Variants in PHLDB2 observed in about 807,000 individuals in gnomAD.
PHLDB2 encodes the protein pleckstrin homology-like domain family B member 2.
PHLDB2 carries 71 observed loss-of-function variants against 123.6 expected under a neutral mutation model. That is an observed-to-expected ratio of 0.57 (90% CI 0.47 to 0.70). The LOEUF is 0.70. Among genes scored for constraint, PHLDB2 ranks in the 30% least tolerant of loss-of-function variants. PHLDB2 has a pLI of 0.00. For synonymous variants in PHLDB2, 547 were observed against 541.6 expected, an observed-to-expected ratio of 1.01 and a Z score of -0.14; for missense variants, 1,446 against 1,519.5, an observed-to-expected ratio of 0.95 and a Z score of 0.80.
intron 10 of PHLDB2, among the ~76,000 whole-genome samples, chr3:111,950,167 A>G (rs1234055774): frequency 6.6e-6 from 1 of 152,164 alleles, no homozygotes; most frequent in Non-Finnish European, 1.5e-5. Context: ...AAATATTGCA[A>G]CTTATCTCAG....
At chr3:111,925,156 T>C (rs2068746112) in intron 5 of PHLDB2, among the ~76,000 whole-genome samples, 1 of 152,206 alleles carries the variant, frequency 6.6e-6, no homozygotes, top group Admixed American at 6.5e-5. Context: ...GATATGAAAT[T>C]ACTGATGTTA....
intron 1 of PHLDB2, among the ~76,000 whole-genome samples, chr3:111,841,007 T>A (rs1291880070): frequency 6.6e-6 from 1 of 152,346 alleles, no homozygotes; most frequent in South Asian, 2.1e-4. Flanking sequence ...AGGCAGCTAA[T>A]CTAGGGAGCT....
intron 1 of PHLDB2, among the ~76,000 whole-genome samples, chr3:111,769,589 T>C (rs1424421323): frequency 1.3e-5 from 2 of 152,236 alleles, no homozygotes; most frequent in African/African-American, 2.4e-5. Flanking sequence ...ATAGCAAGTT[T>C]AAGAAGGTTC....
intron 6 of PHLDB2, among the ~76,000 whole-genome samples, chr3:111,938,323 G>A (rs34614600): frequency 0.18 from 27,476 of 152,030 alleles, 2,723 homozygotes; most frequent in South Asian, 0.23. Context: ...CTCCACCAGA[G>A]CAGTACAATT....
At position 111,782,350 on chromosome 3, in the gene PHLDB2, A is replaced by G. The variant is rs528390492; in HGVS notation, c.-49+49647A>G. Among the ~76,000 whole-genome samples the G allele has an allele frequency of 2.0e-5, 3 of 152,200 alleles. No homozygotes were observed. The South Asian group carries it at 6.2e-4, about 32-fold the overall frequency. ...AAACCTTAAGCTAGTCTCATAGTTC[A>G]GTGCTCTCAGTTCCAAAATATAAAG... is the stretch of plus-strand genomic sequence containing the variant. On this transcript the variant is annotated intron_variant, in intron 1 of 17. Coordinates refer to the PHLDB2 transcript ENST00000393923.
chr3:111,787,193 T>C (rs1342659562), intron 1 of PHLDB2, among the ~76,000 whole-genome samples: 2 of 152,206 alleles, frequency 1.3e-5, no homozygotes, highest in African/African-American at 4.8e-5. Context: ...ACTTGGCCTT[T>C]AGATATCTCA....
intron 2 of PHLDB2, among the ~76,000 whole-genome samples, chr3:111,905,701 TAGGG>T (rs938573355): frequency 2.6e-5 from 4 of 152,136 alleles, no homozygotes; most frequent in Non-Finnish European, 5.9e-5. Context: ...ATGGGTAAGC[TAGGG>T]ATTCCTCAAC....
At chr3:111,739,768 G>A (rs1446094725) in intron 1 of PHLDB2, among the ~76,000 whole-genome samples, 2 of 151,932 alleles carry the variant, frequency 1.3e-5, no homozygotes, top group South Asian at 2.1e-4. Flanking sequence ...CTTCTTGTAA[G>A]CTTCATAAAA....
Position 111,966,780 on chromosome 3 carries a change from C to T in PHLDB2, c.3168+77C>T, listed in dbSNP as rs1577219808. The stretch of plus-strand genomic sequence containing the variant: ...CCTGCGCTTGGCATCAGACAATACT[C>T]CTCCTTAAGGAGCCGTGTGTTCCTG... On this transcript the variant is annotated intron_variant, in intron 14 of 17. Coordinates refer to ENST00000431670, the MANE Select transcript of PHLDB2 (RefSeq NM_001134438.2). 30 of 1,077,114 alleles carry T rather than the reference C, an allele frequency of 2.8e-5. No individual in the cohort carries two copies. In the East Asian group the frequency reaches 7.3e-4, roughly 26 times the overall value. 66.7% of individuals were successfully genotyped at this position (1,077,114 alleles called of 1,614,324 possible).
chr3:111,753,731 A>C (rs2059828902), intron 1 of PHLDB2, among the ~76,000 whole-genome samples: 1 of 152,138 alleles, frequency 6.6e-6, no homozygotes, highest in Non-Finnish European at 1.5e-5. Flanking sequence ...GCCCATGCCT[A>C]TGTCCTGAAT....
chr3:111,773,434 C>T (rs1343471596), intron 1 of PHLDB2, among the ~76,000 whole-genome samples: 10 of 152,254 alleles, frequency 6.6e-5, no homozygotes, highest in East Asian at 3.9e-4. Context: ...CTAATAAAAT[C>T]GGTGATTTGT....
At chr3:111,909,979 T>C (rs1379671983) in intron 2 of PHLDB2, among the ~76,000 whole-genome samples, 2 of 152,150 alleles carry the variant, frequency 1.3e-5, no homozygotes, top group East Asian at 1.9e-4. Context: ...TGACCTACAC[T>C]GGTTGGTGTT....
At chr3:111,758,702 C>T (rs549633716) in intron 1 of PHLDB2, among the ~76,000 whole-genome samples, 16 of 152,316 alleles carry the variant, frequency 1.1e-4, no homozygotes, top group South Asian at 4.1e-4. Context: ...GTGTGGCTCA[C>T]GCTGGGAGCT....
intron 17 of PHLDB2, among the ~76,000 whole-genome samples, chr3:111,974,051 G>A (rs939506377): frequency 2.0e-5 from 3 of 152,120 alleles, no homozygotes; most frequent in Admixed American, 6.5e-5. Context: ...GAAACCCTGC[G>A]AAACGACTCT....
At chr3:111,876,758 C>T (rs949496295) in intron 1 of PHLDB2, among the ~76,000 whole-genome samples, 2 of 152,068 alleles carry the variant, frequency 1.3e-5, no homozygotes, top group Non-Finnish European at 2.9e-5. Flanking sequence ...GTGTGATATT[C>T]CCCTCCCTGT....
chr3:111,804,113 G>A (rs1028760897), intron 1 of PHLDB2, among the ~76,000 whole-genome samples: 2 of 152,082 alleles, frequency 1.3e-5, no homozygotes, highest in African/African-American at 2.4e-5. Context: ...TAATGCCACA[G>A]AGACACCATT....
intron 16 of PHLDB2, among the ~76,000 whole-genome samples, chr3:111,971,609 C>G (rs2072188524): frequency 6.6e-6 from 1 of 152,148 alleles, no homozygotes; most frequent in Non-Finnish European, 1.5e-5. Context: ...CTGTTTACGG[C>G]CATCACCTAT....
At chr3:111,805,925 G>C (rs955170904) in intron 1 of PHLDB2, among the ~76,000 whole-genome samples, 7 of 139,014 alleles carry the variant, frequency 5.0e-5, no homozygotes, top group Middle Eastern at 3.5e-3. Flanking sequence ...ACTACATTTT[G>C]TATTATATAA....
intron 1 of PHLDB2, among the ~76,000 whole-genome samples, chr3:111,799,616 A>T (rs1247396099): frequency 4.6e-5 from 7 of 152,230 alleles, no homozygotes; most frequent in Non-Finnish European, 1.0e-4. Context: ...TCTCAAAGAC[A>T]TCAGGTTGGG....
Sources: gnomAD v4.1 joint callset for allele counts (sites outside exome capture counted in the v4.1 genomes callset) on GRCh38, gnomAD v4.1.1 for gene constraint, MANE v1.5 for transcripts, NCBI Gene and HGNC (gene_info 2026-07-23, HGNC 2026-07-21) for gene names.